ADAMTS12: variants seen among roughly 807,000 people sequenced by gnomAD.
ADAMTS12 encodes ADAM metallopeptidase with thrombospondin type 1 motif 12.
A neutral mutation model predicts 167.8 loss-of-function variants in ADAMTS12; 118 were observed. The ratio of observed to expected loss-of-function variants is 0.70; its 90% CI spans 0.61 to 0.82. The LOEUF (loss-of-function observed/expected upper bound fraction) is 0.82. Ranked by LOEUF, ADAMTS12 falls within the 40% of genes least tolerant of loss-of-function variation. ADAMTS12 has a pLI of 0.00. For synonymous variants in ADAMTS12, 704 were observed against 716.9 expected (o/e 0.98, Z 0.29); for missense variants, 1,916 against 1,998.8 (o/e 0.96, Z 0.79).
chr5:33,746,081 C>G, intron 3 of ADAMTS12, among the ~76,000 whole-genome samples: 1 of 152,196 alleles, frequency 6.6e-6, no homozygotes, highest in Admixed American at 6.5e-5. Context: ...AAAATGTTCG[C>G]TATCTCATAG....
At chr5:33,890,856 A>G (rs1750816441) in intron 1 of ADAMTS12, among the ~76,000 whole-genome samples, 1 of 152,150 alleles carries the variant, frequency 6.6e-6, no homozygotes, top group African/African-American at 2.4e-5. Context: ...TCATCTGTAC[A>G]GCAGGGACAG....
chr5:33,670,629 C>A (rs1458742635), intron 5 of ADAMTS12, among the ~76,000 whole-genome samples: 1 of 152,142 alleles, frequency 6.6e-6, no homozygotes, highest in Non-Finnish European at 1.5e-5. Context: ...GTAATCCCAG[C>A]TACTCAGGAG....
intron 2 of ADAMTS12, among the ~76,000 whole-genome samples, chr5:33,810,699 A>G (rs1396133869): frequency 6.6e-6 from 1 of 152,194 alleles, no homozygotes; most frequent in Non-Finnish European, 1.5e-5. Flanking sequence ...TGACAGCATC[A>G]TCCAGGAATT....
chr5:33,815,545 ATC>A (rs1373271692), intron 2 of ADAMTS12, among the ~76,000 whole-genome samples: 2 of 152,194 alleles, frequency 1.3e-5, no homozygotes, highest in African/African-American at 4.8e-5. Context: ...AGAAAGGAAT[ATC>A]TGTTTTTTAA....
In ADAMTS12 at chr5:33,615,774, G is replaced by A; in HGVS notation, c.2388+54C>T. On this transcript the variant is annotated intron_variant, in intron 15 of 23. Coordinates refer to ENST00000504830, the MANE Select transcript of ADAMTS12 (RefSeq NM_030955.4). ...CCTAGCAAGTACCTTGGGGAAAAAG[G>A]AGAAGTATTCTAACTAGCACACATG... is the stretch of plus-strand genomic sequence containing the variant. The A allele has an allele frequency of 1.4e-5, 22 of 1,597,692 alleles. No individual in the cohort carries two copies. The South Asian group carries it at 2.3e-4, about 16-fold the overall frequency.
intron 2 of ADAMTS12, among the ~76,000 whole-genome samples, chr5:33,782,753 T>C (rs1056063492): frequency 1.3e-5 from 2 of 152,088 alleles, no homozygotes; most frequent in African/African-American, 4.8e-5. Flanking sequence ...TATAAATGTA[T>C]ATGTACTTAA....
At chr5:33,644,139 G>C (rs894471506) in intron 9 of ADAMTS12, among the ~76,000 whole-genome samples, 2 of 152,240 alleles carry the variant, frequency 1.3e-5, no homozygotes, top group Admixed American at 1.3e-4. Flanking sequence ...TACACTGCAT[G>C]TGTTTTTTCA....
intron 2 of ADAMTS12, among the ~76,000 whole-genome samples, chr5:33,868,669 T>C (rs1749919047): frequency 6.6e-6 from 1 of 152,182 alleles, no homozygotes; most frequent in African/African-American, 2.4e-5. Context: ...AAGAAATGAC[T>C]TGGAACTGGA....
At chr5:33,655,144 A>G (rs991822653) in intron 7 of ADAMTS12, among the ~76,000 whole-genome samples, 45 of 152,078 alleles carry the variant, frequency 3.0e-4, no homozygotes, top group Non-Finnish European at 5.7e-4. Flanking sequence ...CATGACTTAT[A>G]ACTTTCTAAG....
At chr5:33,682,923 G>C (rs62352065) in intron 5 of ADAMTS12, 95 bp downstream of exon 5, 32,187 of 961,918 alleles carry the variant, frequency 0.033, 1,332 homozygotes, top group East Asian at 0.17. Flanking sequence ...ACACTTTCTG[G>C]TACCCTCTTT....
In ADAMTS12 at chr5:33,577,110, G is replaced by A; in HGVS notation, c.2916C>T (p.Ala972=). 2 of 1,614,168 alleles carry A rather than the reference G, an allele frequency of 1.2e-6. No homozygotes were observed. Among genetic ancestry groups the A allele is most frequent in the African/African-American group, 1.3e-5 (1 of 75,046 alleles). The change falls in exon 19 of 24, where the codon GCC becomes GCT. Residue 972 remains alanine (A), a synonymous_variant. Transcript: ENST00000504830. ...GGVRIRSVTC[A]KNHDEPCDVT... is the part of the protein sequence containing the mutation. Reference sequence around the variant, plus strand: ...CATCGCAAGGTTCATCATGGTTCTTGGCACATGTGACACTGCGAATCCGCA... The same window carrying A: ...CATCGCAAGGTTCATCATGGTTCTTAGCACATGTGACACTGCGAATCCGCA...
At chr5:33,745,574 T>G (rs556792104) in intron 3 of ADAMTS12, among the ~76,000 whole-genome samples, 30 of 152,216 alleles carry the variant, frequency 2.0e-4, no homozygotes, top group African/African-American at 7.2e-4. Context: ...CAGAGCATCC[T>G]GGAGGAGATA....
chr5:33,556,043 T>C (rs1324569326), intron 20 of ADAMTS12, among the ~76,000 whole-genome samples: 1 of 152,240 alleles, frequency 6.6e-6, no homozygotes, highest in East Asian at 1.9e-4. Context: ...GCCCTAACTT[T>C]ACCTAGAGCT....
At chr5:33,632,566 ACT>A (rs1161188716) in intron 12 of ADAMTS12, among the ~76,000 whole-genome samples, 6 of 152,216 alleles carry the variant, frequency 3.9e-5, no homozygotes, top group Admixed American at 2.0e-4. Context: ...AAGTGTCAAG[ACT>A]CTGGGACAAA....
chr5:33,855,168 CCAG>C (rs1275477926), intron 2 of ADAMTS12, among the ~76,000 whole-genome samples: 1 of 152,202 alleles, frequency 6.6e-6, no homozygotes, highest in African/African-American at 2.4e-5. Flanking sequence ...GGAAAAGGAA[CCAG>C]CAGAATTTTC....
intron 3 of ADAMTS12, among the ~76,000 whole-genome samples, chr5:33,727,428 C>T (rs777260881): frequency 9.2e-5 from 14 of 152,224 alleles, no homozygotes; most frequent in Non-Finnish European, 1.3e-4. Flanking sequence ...AGCAACTCTG[C>T]TTTGAAGTTA....
At chr5:33,549,529 C>G in intron 20 of ADAMTS12, 146 bp from the exon 21 acceptor site, 2 of 971,774 alleles carry the variant, frequency 2.1e-6, no homozygotes, top group Non-Finnish European at 3.0e-6. Context: ...CCTCCCACAC[C>G]ACAGAGCAGG....
chr5:33,753,953 C>T (rs1343272149), intron 2 of ADAMTS12, among the ~76,000 whole-genome samples: 1 of 152,106 alleles, frequency 6.6e-6, no homozygotes, highest in Non-Finnish European at 1.5e-5. Context: ...CCCAGGATCT[C>T]GTGTGTTTGT....
At chr5:33,669,645 G>A (rs145169072) in intron 5 of ADAMTS12, among the ~76,000 whole-genome samples, 51 of 151,850 alleles carry the variant, frequency 3.4e-4, no homozygotes, top group African/African-American at 1.2e-3. Flanking sequence ...AAGGCCAGAA[G>A]GTGTAGTATT....
Sources: allele counts gnomAD v4.1 joint callset (sites outside exome capture counted in the v4.1 genomes callset), GRCh38; gene constraint gnomAD v4.1.1; transcripts MANE v1.5; gene names NCBI Gene and HGNC (gene_info 2026-07-23, HGNC 2026-07-21).